The following IQCK variants were observed in gnomAD, a reference collection of about 807,000 sequenced individuals.
IQCK encodes IQ domain-containing protein K.
In IQCK, 29 loss-of-function variants were observed where a neutral mutation model predicts 28.1. That is an observed-to-expected ratio of 1.03 (90% CI 0.77 to 1.41). The LOEUF is 1.41. Among genes scored for constraint, IQCK ranks in the 40% most tolerant of loss-of-function variants. The probability of loss-of-function intolerance (pLI) is 0.00; values close to 1 mark genes in which losing one functional copy is unlikely to be tolerated. For synonymous variants in IQCK, 113 were observed against 115.1 expected (o/e 0.98, Z 0.12); for missense variants, 359 against 314.7 (o/e 1.14, Z -1.07).
chr16:19,802,560 G>T (rs1047949201), intron 7 of IQCK, among the ~76,000 whole-genome samples: 4 of 129,154 alleles, frequency 3.1e-5, no homozygotes, highest in African/African-American at 1.2e-4. Context: ...ATTGGCTGTT[G>T]TTGTTATTGT....
intron 6 of IQCK, among the ~76,000 whole-genome samples, chr16:19,773,333 A>T (rs1276436091): frequency 2.0e-5 from 3 of 152,142 alleles, no homozygotes; most frequent in African/African-American, 7.2e-5. Context: ...CTGAATGTGC[A>T]CAACTTCCCA....
At chr16:19,730,340 A>G (rs1977792507) in intron 1 of IQCK, 90 bp from the exon 2 acceptor site, 7 of 1,001,554 alleles carry the variant, frequency 7.0e-6, no homozygotes, top group Non-Finnish European at 1.0e-5. Flanking sequence ...CCAAAATAAA[A>G]TTTAAGAATG....
chr16:19,728,959 T>C (rs1249109541), intron 1 of IQCK, among the ~76,000 whole-genome samples: 3 of 152,164 alleles, frequency 2.0e-5, no homozygotes, highest in Non-Finnish European at 4.4e-5. Flanking sequence ...TGCCCACAAA[T>C]TAATTTTTCC....
chr16:19,782,914 ATAC>A (rs1467894623), intron 6 of IQCK, among the ~76,000 whole-genome samples: 1 of 152,238 alleles, frequency 6.6e-6, no homozygotes, highest in Non-Finnish European at 1.5e-5. Flanking sequence ...ACATGTGCAC[ATAC>A]ATTTATATAT....
rs897977014 is a variant in IQCK, at chr16:19,782,617, G to GA, written c.606-6220dup. 4.6e-5 allele frequency among the ~76,000 whole-genome samples: 7 copies of GA among 151,810 alleles called. 1 individual carries two copies. Among genetic ancestry groups the GA allele is most frequent in the Admixed American group, 3.3e-4 (5 of 15,244 alleles). On this transcript the variant is annotated intron_variant, in intron 6 of 7. Transcript: ENST00000564186. ...CACTGCAGCCTGGGTGACAGAGCAA[G>GA]ACCCTGTCAAAAAAAGAAAAGAGAA...
At chr16:19,730,723 A>ATCTATCTATCTG (rs1374191590) in intron 2 of IQCK, among the ~76,000 whole-genome samples, 1 of 150,040 alleles carries the variant, frequency 6.7e-6, no homozygotes, top group Non-Finnish European at 1.5e-5. Context: ...CTGTCTATCT[A>ATCTATCTATCTG]TCTGTCTGTC....
chr16:19,829,004 A>T (rs896972235), downstream of IQCK, among the ~76,000 whole-genome samples: 2 of 143,904 alleles, frequency 1.4e-5, no homozygotes, highest in Non-Finnish European at 3.0e-5. Flanking sequence ...ATATATATAA[A>T]TATATATTAT....
chr16:19,821,608 T>C lies in IQCK; in HGVS notation c.691-5418T>C, dbSNP rs558603138. On this transcript the variant is annotated intron_variant, in intron 7 of 7. Coordinates refer to ENST00000564186, the Ensembl canonical transcript of IQCK. Reference sequence around the variant, plus strand: ...CCCAGCTACTCAGGAGGCTGAGGCATGAGAATCGCTTGAAAGTGGAGGTTG... The same window carrying C: ...CCCAGCTACTCAGGAGGCTGAGGCACGAGAATCGCTTGAAAGTGGAGGTTG... 5.5e-4 allele frequency among the ~76,000 whole-genome samples: 83 copies of C among 152,046 alleles called. No homozygotes were observed. In the East Asian group the frequency reaches 0.013, roughly 24 times the overall value.
intron 1 of IQCK, 128 bp downstream of exon 1, chr16:19,718,615 G>A (rs1170642586): frequency 4.7e-6 from 4 of 842,608 alleles, no homozygotes; most frequent in Non-Finnish European, 6.6e-6. Context: ...CCGCGGGCCC[G>A]GGCTCCGCAT....
chr16:19,773,018 T>C (rs2055339302), intron 6 of IQCK, among the ~76,000 whole-genome samples: 1 of 151,840 alleles, frequency 6.6e-6, no homozygotes, highest in Non-Finnish European at 1.5e-5. Flanking sequence ...ATAATAATAA[T>C]TAAAAAAACA....
chr16:19,766,954 C>T (rs1260289781), intron 6 of IQCK, among the ~76,000 whole-genome samples: 3 of 152,204 alleles, frequency 2.0e-5, no homozygotes, highest in East Asian at 1.9e-4. Flanking sequence ...CCTGTAATCT[C>T]AGCTACTTGG....
chr16:19,781,945 T>C (rs1226617581), intron 6 of IQCK, among the ~76,000 whole-genome samples: 1 of 148,932 alleles, frequency 6.7e-6, no homozygotes, highest in East Asian at 2.1e-4. Flanking sequence ...GCCGAGATCG[T>C]GCCACTGCAC....
chr16:19,835,720 G>A (rs1440149606), intron 9 of IQCK, among the ~76,000 whole-genome samples: 1 of 151,944 alleles, frequency 6.6e-6, no homozygotes, highest in Admixed American at 6.6e-5. Flanking sequence ...GAGTAGCTGG[G>A]ATTATAGGCG....
intron 7 of IQCK, among the ~76,000 whole-genome samples, chr16:19,823,456 C>G (rs996488482): frequency 6.6e-6 from 1 of 152,102 alleles, no homozygotes; most frequent in African/African-American, 2.4e-5. Context: ...ATCAGACCGG[C>G]TGGTCTGAGT....
intron 6 of IQCK, among the ~76,000 whole-genome samples, chr16:19,782,229 A>T (rs1357129030): frequency 6.6e-6 from 1 of 150,486 alleles, no homozygotes; most frequent in East Asian, 2.0e-4. Flanking sequence ...TTAGTTAATG[A>T]AAAGTGGAAG....
At chr16:19,785,621 A>G (rs568722342) in intron 6 of IQCK, among the ~76,000 whole-genome samples, 25 of 152,306 alleles carry the variant, frequency 1.6e-4, no homozygotes, top group Admixed American at 7.8e-4. Flanking sequence ...TTGTTTGCAT[A>G]GAAGTCTTTG....
At chr16:19,821,334 T>A (rs1180203331) in intron 7 of IQCK, among the ~76,000 whole-genome samples, 9 of 152,230 alleles carry the variant, frequency 5.9e-5, no homozygotes, top group Non-Finnish European at 8.8e-5. Flanking sequence ...CCAGTTTGTT[T>A]TCTCAATAAG....
At chr16:19,856,026 G>A (rs1458449740) in intron 9 of IQCK, among the ~76,000 whole-genome samples, 1 of 152,118 alleles carries the variant, frequency 6.6e-6, no homozygotes, top group Non-Finnish European at 1.5e-5. Context: ...CCGAGATCAG[G>A]TTCTTGGTCC....
At chr16:19,780,628 T>A (rs551324398) in intron 6 of IQCK, among the ~76,000 whole-genome samples, 12 of 152,344 alleles carry the variant, frequency 7.9e-5, no homozygotes, top group African/African-American at 2.9e-4. Flanking sequence ...ATCTCTCACT[T>A]AAATCCAGCG....
Sources: allele counts gnomAD v4.1 joint callset (sites outside exome capture counted in the v4.1 genomes callset), GRCh38; gene constraint gnomAD v4.1.1; transcripts MANE v1.5; gene names NCBI Gene and HGNC (gene_info 2026-07-23, HGNC 2026-07-21).